CBX6: variants seen among roughly 807,000 people sequenced by gnomAD.
CBX6 encodes the protein chromobox 6.
Under a neutral mutation model 28.4 loss-of-function variants are expected in CBX6, and 7 were observed. The ratio of observed to expected loss-of-function variants is 0.25; its 90% confidence interval spans 0.14 to 0.46. The LOEUF (loss-of-function observed/expected upper bound fraction) is 0.46, where lower values mean the gene tolerates loss of function less well. Ranked by LOEUF, CBX6 falls within the 20% of genes least tolerant of loss-of-function variation. CBX6 has a pLI of 0.99. For missense variants in CBX6, 512 were observed against 606.1 expected (o/e 0.84, Z 1.63); for synonymous variants, 297 against 273.4 (o/e 1.09, Z -0.85).
At position 38,871,450 on chromosome 22, in the gene CBX6, G is replaced by A; in HGVS notation, c.246+30C>T. 6.3e-7 allele frequency: 1 copy of A among 1,587,954 alleles called. No homozygotes were observed. Among genetic ancestry groups the A allele is most frequent in the Non-Finnish European group, 8.6e-7 (1 of 1,166,962 alleles). ...TGTGCCGGGGCTGGGGGCCCGAGAG[G>A]GGGATGCTGCTGGGGCTGGGCCAGG... On this transcript the variant is annotated intron_variant, in intron 4 of 4. Transcript: ENST00000407418. The surrounding 1 kb of genome is among the most constrained non-coding windows in gnomAD (Gnocchi z 5.6).
Position 38,871,325 on chromosome 22 carries a change from G to A in CBX6, c.246+155C>T. 1 of 684,550 alleles carries A rather than the reference G, an allele frequency of 1.5e-6. No individual in the cohort carries two copies. Among genetic ancestry groups the A allele is most frequent in the Non-Finnish European group, 2.5e-6 (1 of 396,650 alleles). 42.4% of individuals were successfully genotyped at this position (684,550 alleles called of 1,614,324 possible). On this transcript the variant is annotated intron_variant, in intron 4 of 4. Coordinates refer to ENST00000407418, the MANE Select transcript of CBX6 (RefSeq NM_014292.5). This position sits in a 1 kb window ranked among gnomAD's most constrained non-coding sequence, Gnocchi z 5.6. ...CTGAGGCCTGCCATCAGGGGCTTCT[G>A]GGGGGGCTCACAACCACCCCCTGCC...
rs3885298 is a variant in CBX6, at chr22:38,871,635, C to G, written c.179+57G>C. On this transcript the variant is annotated intron_variant, in intron 3 of 4. Transcript: ENST00000407418. The surrounding 1 kb of genome is among the most constrained non-coding windows in gnomAD (Gnocchi z 5.6). ...TCCCCGGCTCTCCCGCTTCCCCGCG[C>G]GGCGCCCCAGCCGAGCCTCGGCCTC... is the stretch of plus-strand genomic sequence containing the variant. 7 of 1,610,914 alleles carry G rather than the reference C, an allele frequency of 4.3e-6. No individual in the cohort carries two copies. The Admixed American group carries it at 8.4e-5, about 19-fold the overall frequency.
At position 38,863,834 on chromosome 22, in the gene CBX6, C is replaced by T. The variant is rs73419426; in HGVS notation, c.*2375G>A. 2,053 of 152,300 alleles carry T rather than the reference C, an allele frequency of 0.013. 42 individuals are homozygous for T. The highest frequency in any genetic ancestry group is 0.046 in the African/African-American group (1,896 of 41,518). The allele number at this position is 152,300 out of a possible 1,614,324, so 9.4% of individuals were successfully genotyped here. On this transcript the variant is annotated 3_prime_UTR_variant, in exon 5 of 5. Transcript: ENST00000407418. ...GAGGGAGGTCTCCCCCATAGGGTGGCGGTGGTGGGGACCAGATGGCCCAAC... is the reference window on the plus strand; with the variant it reads ...GAGGGAGGTCTCCCCCATAGGGTGGTGGTGGTGGGGACCAGATGGCCCAAC...
Position 38,863,075 on chromosome 22 carries a change from G to A in CBX6, c.*3134C>T. On this transcript the variant is annotated 3_prime_UTR_variant, in exon 5 of 5. Coordinates refer to ENST00000407418, the MANE Select transcript of CBX6 (RefSeq NM_014292.5). The stretch of plus-strand genomic sequence containing the variant: ...GAACAAAGAGGGGTTGTGGGCAGCT[G>A]GGGGCCCCAGTACCAGCAACCTTGA... The A allele has an allele frequency of 6.6e-6, 1 of 152,228 alleles. No individual in the cohort carries two copies. The highest frequency in any genetic ancestry group is 2.1e-4 in the South Asian group (1 of 4,836). The allele number at this position is 152,228 out of a possible 1,614,324, so 9.4% of individuals were successfully genotyped here.
chr22:38,870,026 TAA>T lies in CBX6; in HGVS notation c.246+1452_246+1453del, dbSNP rs1295945924. 6.6e-6 allele frequency: 1 copy of T among 152,256 alleles called. No homozygotes were observed. The highest frequency in any genetic ancestry group is 1.9e-4 in the East Asian group (1 of 5,206). The allele number at this position is 152,256 out of a possible 1,614,324, so 9.4% of individuals were successfully genotyped here. A position where few individuals can be genotyped will look rare whatever the true frequency, so the allele number is the denominator to read the frequency against. Reference sequence around the variant, plus strand: ...GGCTACCTGTTTCTTAGGGTCCAGATAAAAAAGTCCTACTATCTGTGTCTCTA... The same window carrying T: ...GGCTACCTGTTTCTTAGGGTCCAGATAAAAGTCCTACTATCTGTGTCTCTA... On this transcript the variant is annotated intron_variant, in intron 4 of 4. Coordinates refer to ENST00000407418, the MANE Select transcript of CBX6 (RefSeq NM_014292.5). The surrounding 1 kb of genome is among the most constrained non-coding windows in gnomAD (Gnocchi z 4.3).
In CBX6 at chr22:38,861,614, C is replaced by G. The variant is rs1349392925; in HGVS notation, c.*4595G>C. 6.6e-6 allele frequency: 1 copy of G among 152,214 alleles called. No individual in the cohort carries two copies. The highest frequency in any genetic ancestry group is 6.5e-5 in the Admixed American group (1 of 15,280). 9.4% of individuals were successfully genotyped at this position (152,214 alleles called of 1,614,324 possible). ...ACCCCTCCCCCGGAACCGCCGAATCCAGAATGGAGCCCAAACCCACACCCC... is the reference window on the plus strand; with the variant it reads ...ACCCCTCCCCCGGAACCGCCGAATCGAGAATGGAGCCCAAACCCACACCCC... On this transcript the variant is annotated 3_prime_UTR_variant, in exon 5 of 5. Transcript: ENST00000407418.
At chr22:38,867,750 C>T (rs1603250369) in intron 4 of CBX6, among the ~76,000 whole-genome samples, 1 of 152,244 alleles carries the variant, frequency 6.6e-6, no homozygotes, top group Non-Finnish European at 1.5e-5. Flanking sequence ...AGCAGGCTGA[C>T]CTCCGGCTCC....
rs769410194 is a variant in CBX6 at position 38,866,185 on chromosome 22, GC to G, written c.*23del. 8.7e-6 allele frequency: 13 copies of G among 1,502,548 alleles called. No individual in the cohort carries two copies. The highest frequency in any genetic ancestry group is 1.1e-5 in the Non-Finnish European group (12 of 1,099,576). The allele number at this position is 1,502,548 out of a possible 1,614,324, so 93.1% of individuals were successfully genotyped here. A position where few individuals can be genotyped will look rare whatever the true frequency, so the allele number is the denominator to read the frequency against. ...ACTTCGGGCAGGAGGGCCCCCCCAA[GC>G]CCCCCTCCTTGGTGGAGCCCCCTCA... On this transcript the variant is annotated 3_prime_UTR_variant, in exon 5 of 5. Transcript: ENST00000407418. This position sits in a 1 kb window ranked among gnomAD's most constrained non-coding sequence, Gnocchi z 7.5.
At chr22:38,869,359 T>G (rs2093177314) in intron 4 of CBX6, among the ~76,000 whole-genome samples, 1 of 152,114 alleles carries the variant, frequency 6.6e-6, no homozygotes, top group Admixed American at 6.5e-5. Context: ...TCTCCTTTCC[T>G]TATCTGCTGA....
Position 38,864,395 on chromosome 22 carries a change from C to A in CBX6, c.*1814G>T, listed in dbSNP as rs2093164585. 1 of 152,340 alleles carries A rather than the reference C, an allele frequency of 6.6e-6. No homozygotes were observed. The highest frequency in any genetic ancestry group is 1.5e-5 in the Non-Finnish European group (1 of 68,046). The allele number at this position is 152,340 out of a possible 1,614,324, so 9.4% of individuals were successfully genotyped here. On this transcript the variant is annotated 3_prime_UTR_variant, in exon 5 of 5. Coordinates refer to ENST00000407418, the MANE Select transcript of CBX6 (RefSeq NM_014292.5). ...TCTGGAAACACCTGTAACTGGCACC[C>A]AGGTGGTCACTCACCTGGGGGAGGG...
chr22:38,872,106 C>T lies in CBX6; in HGVS notation c.69+16G>A. 1 of 1,372,916 alleles carries T rather than the reference C, an allele frequency of 7.3e-7. No homozygotes were observed. The highest frequency in any genetic ancestry group is 1.5e-5 in the South Asian group (1 of 66,972). 85.0% of individuals were successfully genotyped at this position (1,372,916 alleles called of 1,614,324 possible). A position where few individuals can be genotyped will look rare whatever the true frequency, so the allele number is the denominator to read the frequency against. On this transcript the variant is annotated intron_variant, in intron 1 of 4. Coordinates refer to ENST00000407418, the MANE Select transcript of CBX6 (RefSeq NM_014292.5). This position sits in a 1 kb window ranked among gnomAD's most constrained non-coding sequence, Gnocchi z 5.0. The stretch of plus-strand genomic sequence containing the variant: ...CGGCTGCGGACAGCGGCGGCCCGCC[C>T]CGGGCGGCGGCTCACCTTTCGGATC...
Position 38,865,909 on chromosome 22 carries a change from G to C in CBX6, c.*300C>G, listed in dbSNP as rs1461935024. The C allele has an allele frequency of 2.4e-6, 1 of 422,626 alleles. No individual in the cohort carries two copies. The highest frequency in any genetic ancestry group is 4.2e-6 in the Non-Finnish European group (1 of 236,158). The allele number at this position is 422,626 out of a possible 1,614,324, so 26.2% of individuals were successfully genotyped here. On this transcript the variant is annotated 3_prime_UTR_variant, in exon 5 of 5. Coordinates refer to ENST00000407418, the MANE Select transcript of CBX6 (RefSeq NM_014292.5). Reference sequence around the variant, plus strand: ...ACAGGAGAGCAGGAAGCAAGCTAGAGAGACAGGTGGGATGTGGAAGGGGCA... The same window carrying C: ...ACAGGAGAGCAGGAAGCAAGCTAGACAGACAGGTGGGATGTGGAAGGGGCA...
intron 4 of CBX6, chr22:38,869,598 C>T (rs73159329): frequency 0.057 from 8,632 of 152,234 alleles, 325 homozygotes; most frequent in Non-Finnish European, 0.082. Flanking sequence ...CTCTTCCTCC[C>T]CACATGGAGA....
At position 38,871,292 on chromosome 22, in the gene CBX6, G is replaced by A. The variant is rs780676311; in HGVS notation, c.246+188C>T. The stretch of plus-strand genomic sequence containing the variant: ...GTCCCAAAACCCTCTTGTTGAAGCT[G>A]ATGCTGGCTGAGGCCTGCCATCAGG... On this transcript the variant is annotated intron_variant, in intron 4 of 4. Transcript: ENST00000407418. The surrounding 1 kb of genome is among the most constrained non-coding windows in gnomAD (Gnocchi z 5.6). 5.2e-5 allele frequency: 35 copies of A among 666,732 alleles called. No homozygotes were observed. The highest frequency in any genetic ancestry group is 8.6e-5 in the Non-Finnish European group (32 of 373,386). 41.3% of individuals were successfully genotyped at this position (666,732 alleles called of 1,614,324 possible). A position where few individuals can be genotyped will look rare whatever the true frequency, so the allele number is the denominator to read the frequency against.
In CBX6 at chr22:38,871,588, C is replaced by A. The variant is rs780009114; in HGVS notation, c.180-42G>T. On this transcript the variant is annotated intron_variant, in intron 3 of 4. Transcript: ENST00000407418. The surrounding 1 kb of genome is among the most constrained non-coding windows in gnomAD (Gnocchi z 5.6). The stretch of plus-strand genomic sequence containing the variant: ...CCAGAGGTTAAAAAGAGCCCCTTCC[C>A]GGGCCCCACTCCGCGCTGCCCTCCC... The A allele has an allele frequency of 8.1e-6, 13 of 1,612,698 alleles. No individual in the cohort carries two copies. In the African/African-American group the frequency reaches 1.2e-4, roughly 15 times the overall value.
At chr22:38,867,565 G>C (rs1014873845) in intron 4 of CBX6, among the ~76,000 whole-genome samples, 16 of 152,200 alleles carry the variant, frequency 1.1e-4, no homozygotes, top group Non-Finnish European at 1.5e-4. Flanking sequence ...GAGGGCAGCC[G>C]TTTGCTCAGA....
Position 38,866,128 on chromosome 22 carries a change from G to C in CBX6, c.*81C>G. On this transcript the variant is annotated 3_prime_UTR_variant, in exon 5 of 5. Coordinates refer to ENST00000407418, the MANE Select transcript of CBX6 (RefSeq NM_014292.5). This position sits in a 1 kb window ranked among gnomAD's most constrained non-coding sequence, Gnocchi z 7.5. Reference sequence around the variant, plus strand: ...AAGCAAAGCACAGGGAGAGAGGGCTGGGGGCAAGGGTGGGGTGGGAGCAAG... The same window carrying C: ...AAGCAAAGCACAGGGAGAGAGGGCTCGGGGCAAGGGTGGGGTGGGAGCAAG... 3.9e-6 allele frequency: 4 copies of C among 1,015,620 alleles called. No homozygotes were observed. Among genetic ancestry groups the C allele is most frequent in the Non-Finnish European group, 5.8e-6 (4 of 694,028 alleles). The allele number at this position is 1,015,620 out of a possible 1,614,324, so 62.9% of individuals were successfully genotyped here. A position where few individuals can be genotyped will look rare whatever the true frequency, so the allele number is the denominator to read the frequency against.
rs772525943 is a variant in CBX6, at chr22:38,872,155, C to T, written c.36G>A (p.Ala12=). ...TCCGCCGTTTGATGATGGATTCGGC[C>T]GCGAAGACCCGCTCGCCCACTGCAG... ...ELSAVGERVF[A]AESIIKRRIR... is the part of the protein sequence containing the mutation. Residue 12 remains alanine (A), a synonymous_variant, in exon 1 of 5, where the codon GCG becomes GCA. Coordinates refer to ENST00000407418, the MANE Select transcript of CBX6 (RefSeq NM_014292.5). This position sits in a 1 kb window ranked among gnomAD's most constrained non-coding sequence, Gnocchi z 5.0. The T allele has an allele frequency of 3.5e-6, 5 of 1,424,462 alleles. No individual in the cohort carries two copies. In the African/African-American group the frequency reaches 4.5e-5, roughly 13 times the overall value. 88.2% of individuals were successfully genotyped at this position (1,424,462 alleles called of 1,614,324 possible).
rs142439112 is a variant in CBX6 at position 38,869,325 on chromosome 22, G to A, written c.247-2124C>T. On this transcript the variant is annotated intron_variant, in intron 4 of 4. Transcript: ENST00000407418. Reference sequence around the variant, plus strand: ...CAGAGTGTGGGCAAATGGCAGGCCCGGAAAGAAACCCTGGCTCAGTGAGTC... The same window carrying A: ...CAGAGTGTGGGCAAATGGCAGGCCCAGAAAGAAACCCTGGCTCAGTGAGTC... Among the ~76,000 whole-genome samples the A allele has an allele frequency of 3.8e-3, 578 of 152,248 alleles. 7 individuals are homozygous for A. The highest frequency in any genetic ancestry group is 0.013 in the African/African-American group (555 of 41,542).
Sources: allele counts gnomAD v4.1 joint callset (sites outside exome capture counted in the v4.1 genomes callset), GRCh38; gene constraint gnomAD v4.1.1; non-coding constraint Gnocchi (gnomAD v3.1); transcripts MANE v1.5; gene names NCBI Gene and HGNC (gene_info 2026-07-23, HGNC 2026-07-21).